Variants in PDS5A observed in about 807,000 individuals in gnomAD.
The protein encoded by PDS5A is sister chromatid cohesion protein PDS5 homolog A.
PDS5A carries 42 observed loss-of-function variants against 167.1 expected under a neutral mutation model. The ratio of observed to expected loss-of-function variants is 0.25; its 90% CI spans 0.20 to 0.33. The LOEUF (loss-of-function observed/expected upper bound fraction) is 0.33, where lower values mean the gene tolerates loss of function less well. Among genes scored for constraint, PDS5A ranks in the 10% least tolerant of loss-of-function variants. PDS5A has a pLI of 1.00. For missense variants in PDS5A, 1,033 were observed against 1,605.9 expected, an observed-to-expected ratio of 0.64 and a Z score of 6.10; for synonymous variants, 553 against 554.6, an observed-to-expected ratio of 1.00 and a Z score of 0.04.
chr4:39,857,359 A>G (rs1427659204), intron 26 of PDS5A, among the ~76,000 whole-genome samples: 1 of 151,642 alleles, frequency 6.6e-6, no homozygotes, highest in Non-Finnish European at 1.5e-5. Context: ...CTCAAAAAAA[A>G]AAAAAAAAAG....
intron 2 of PDS5A, among the ~76,000 whole-genome samples, chr4:39,929,554 T>TCC (rs1553903707): frequency 1.2e-4 from 15 of 128,458 alleles, no homozygotes; most frequent in African/African-American, 4.5e-4. Context: ...TATATATATA[T>TCC]ATCCCATTAA....
At chr4:39,953,419 T>C (rs1021397295) in intron 2 of PDS5A, among the ~76,000 whole-genome samples, 8 of 143,884 alleles carry the variant, frequency 5.6e-5, no homozygotes, top group African/African-American at 2.0e-4. Flanking sequence ...TGGTGAAGAA[T>C]CAGTTTTTTT....
At chr4:39,908,716 A>C in intron 10 of PDS5A, 176 bp from the exon 11 acceptor site, 1 of 574,058 alleles carries the variant, frequency 1.7e-6, no homozygotes, top group Non-Finnish European at 3.1e-6. Flanking sequence ...CTGTAATCAC[A>C]AAACTGCACT....
chr4:39,867,751 CA>C (rs1400408034), intron 22 of PDS5A, among the ~76,000 whole-genome samples: 38 of 149,060 alleles, frequency 2.5e-4, no homozygotes, highest in Non-Finnish European at 4.0e-4. Flanking sequence ...CACACACACA[CA>C]CACACACACA....
intron 8 of PDS5A, among the ~76,000 whole-genome samples, chr4:39,915,343 AT>A (rs3070904): frequency 0.32 from 28,226 of 88,664 alleles, 3,725 homozygotes; most frequent in East Asian, 0.52. Context: ...AACCGGCCTG[AT>A]TTTTTTTTTT....
chr4:39,932,267 G>A (rs377286955), intron 2 of PDS5A, among the ~76,000 whole-genome samples: 1 of 152,194 alleles, frequency 6.6e-6, no homozygotes, highest in Non-Finnish European at 1.5e-5. Context: ...TTTGTACGTT[G>A]AGATTGCAAT....
rs141123180 is a variant in PDS5A at position 39,959,127 on chromosome 4, T to C, written c.138+17313A>G. Among the ~76,000 whole-genome samples, 289 of 152,270 alleles carry C rather than the reference T, an allele frequency of 1.9e-3. 2 individuals carry two copies. The highest frequency in any genetic ancestry group is 6.5e-3 in the African/African-American group (271 of 41,560). On this transcript the variant is annotated intron_variant, in intron 2 of 32. Transcript: ENST00000303538. Reference sequence around the variant, plus strand: ...TCCAACCACATAATTGGCACTCACATTGTAAATTACAATCATCTCAAAATA... The same window carrying C: ...TCCAACCACATAATTGGCACTCACACTGTAAATTACAATCATCTCAAAATA...
intron 17 of PDS5A, 116 bp from the exon 18 acceptor site, chr4:39,879,949 G>A (rs978710322): frequency 1.5e-5 from 9 of 588,760 alleles, no homozygotes; most frequent in Non-Finnish European, 2.6e-5. Context: ...GAGTTTCTGT[G>A]GGGGAAAAAA....
At chr4:39,965,609 C>G (rs1729901073) in intron 2 of PDS5A, among the ~76,000 whole-genome samples, 1 of 152,084 alleles carries the variant, frequency 6.6e-6, no homozygotes, top group Non-Finnish European at 1.5e-5. Context: ...TACGGATGAA[C>G]CTTAAAGGTA....
In PDS5A at chr4:39,875,351, T is replaced by C. The variant is rs974886041; in HGVS notation, c.2154-939A>G. 1.5e-4 allele frequency among the ~76,000 whole-genome samples: 22 copies of C among 151,720 alleles called. No homozygotes were observed. The South Asian group carries it at 2.3e-3, about 16-fold the overall frequency. On this transcript the variant is annotated intron_variant, in intron 19 of 32. Transcript: ENST00000303538. ...AATGTTAATGGTGACTATTTCGTTA[T>C]ATTTTTTCTAGTTTCAGTTTGCTAC...
At chr4:39,863,830 T>C (rs957534833) in intron 23 of PDS5A, among the ~76,000 whole-genome samples, 2 of 152,148 alleles carry the variant, frequency 1.3e-5, no homozygotes, top group African/African-American at 4.8e-5. Context: ...ATATTGATTG[T>C]AGAAAACTTG....
At chr4:39,969,029 C>T (rs939221757) in intron 2 of PDS5A, among the ~76,000 whole-genome samples, 12 of 152,230 alleles carry the variant, frequency 7.9e-5, no homozygotes, top group African/African-American at 2.9e-4. Flanking sequence ...CCCGCCTAGG[C>T]ATCCCAAAGT....
At chr4:39,847,323 T>G (rs1717695754) in intron 28 of PDS5A, 1 of 152,160 alleles carries the variant, frequency 6.6e-6, no homozygotes, top group Admixed American at 6.6e-5. Flanking sequence ...TAAGAATATC[T>G]TATAGGCTGG....
rs34277222 is a variant in PDS5A at position 39,926,518 on chromosome 4, C to CAA, written c.429+255_429+256dup. ...TGGCAACAAGAGTGAAACTACGTCT[C>CAA]AAAAAAAAAAAAAGAAAGAAATAGA... On this transcript the variant is annotated intron_variant, in intron 4 of 32. Transcript: ENST00000303538. 0.01 allele frequency among the ~76,000 whole-genome samples: 1,123 copies of CAA among 109,058 alleles called. 36 individuals carry two copies. In the East Asian group the frequency reaches 0.11, roughly 11 times the overall value. 71.5% of individuals were successfully genotyped at this position (109,058 alleles called of 152,430 possible). A position where few individuals can be genotyped will look rare whatever the true frequency, so the allele number is the denominator to read the frequency against.
chr4:39,921,614 T>C (rs1250690478), intron 6 of PDS5A, among the ~76,000 whole-genome samples: 5 of 141,374 alleles, frequency 3.5e-5, no homozygotes, highest in Non-Finnish European at 7.6e-5. Flanking sequence ...AAGCCAGGTA[T>C]GGTGGCACAT....
intron 11 of PDS5A, among the ~76,000 whole-genome samples, chr4:39,907,185 G>A (rs569511210): frequency 6.6e-6 from 1 of 152,202 alleles, no homozygotes; most frequent in Non-Finnish European, 1.5e-5. Context: ...AACCACTAGG[G>A]AGAGAGTCAT....
intron 2 of PDS5A, among the ~76,000 whole-genome samples, chr4:39,964,944 AAATAAT>A (rs978975872): frequency 6.6e-6 from 1 of 152,000 alleles, no homozygotes; most frequent in Non-Finnish European, 1.5e-5. Context: ...CTGTCTCAAA[AAATAAT>A]AATAATAATA....
intron 2 of PDS5A, among the ~76,000 whole-genome samples, chr4:39,975,136 G>A (rs1046589628): frequency 1.3e-5 from 2 of 150,606 alleles, no homozygotes; most frequent in African/African-American, 2.4e-5. Context: ...AAATTTAGCC[G>A]GGTGTGGTGG....
intron 2 of PDS5A, among the ~76,000 whole-genome samples, chr4:39,940,409 A>G (rs1337910257): frequency 6.6e-6 from 1 of 152,114 alleles, no homozygotes; most frequent in Non-Finnish European, 1.5e-5. Flanking sequence ...CTTTATACGT[A>G]TATTCACTTT....
Sources: allele counts gnomAD v4.1 joint callset (sites outside exome capture counted in the v4.1 genomes callset), GRCh38; gene constraint gnomAD v4.1.1; transcripts MANE v1.5; gene names NCBI Gene and HGNC (gene_info 2026-07-23, HGNC 2026-07-21).